The following CERS6 variants were observed in gnomAD, a reference collection of about 807,000 sequenced individuals.
CERS6 encodes ceramide synthase 6.
In CERS6, 26 loss-of-function variants were observed where a neutral mutation model predicts 56.8. The ratio of observed to expected loss-of-function variants is 0.46; its 90% CI spans 0.34 to 0.63. CERS6 has a LOEUF of 0.63. Among genes scored for constraint, CERS6 ranks in the 30% least tolerant of loss-of-function variants. The pLI is 0.01. For synonymous variants in CERS6, 164 were observed against 173.3 expected (o/e 0.95, Z 0.42); for missense variants, 415 against 467.5 (o/e 0.89, Z 1.04).
At chr2:168,752,760 A>G (rs1021072994) in intron 8 of CERS6, among the ~76,000 whole-genome samples, 3 of 152,260 alleles carry the variant, frequency 2.0e-5, no homozygotes, top group African/African-American at 7.2e-5. Context: ...GTTTGATCTC[A>G]TAAATATAGC....
At chr2:168,459,292 G>T (rs1693734797) in intron 1 of CERS6, among the ~76,000 whole-genome samples, 1 of 152,228 alleles carries the variant, frequency 6.6e-6, no homozygotes, top group African/African-American at 2.4e-5. Context: ...TCAGTCTTAG[G>T]TATTTCTCTC....
At chr2:168,580,948 T>C (rs980231839) in intron 3 of CERS6, among the ~76,000 whole-genome samples, 5 of 152,162 alleles carry the variant, frequency 3.3e-5, no homozygotes, top group Non-Finnish European at 7.3e-5. Flanking sequence ...CTTTCTGTAT[T>C]GCAATTAAAA....
At chr2:168,727,319 G>A (rs1683380276) in intron 8 of CERS6, among the ~76,000 whole-genome samples, 1 of 152,096 alleles carries the variant, frequency 6.6e-6, no homozygotes, top group South Asian at 2.1e-4. Flanking sequence ...GGAGGCCTGA[G>A]GTGGGCAGAT....
chr2:168,552,298 G>C (rs1231386653), intron 2 of CERS6, among the ~76,000 whole-genome samples: 1 of 149,288 alleles, frequency 6.7e-6, no homozygotes, highest in Non-Finnish European at 1.5e-5. Flanking sequence ...AAAACTTACG[G>C]AGAATAATAA....
At chr2:168,617,225 G>A (rs191652135) in intron 3 of CERS6, among the ~76,000 whole-genome samples, 1 of 152,216 alleles carries the variant, frequency 6.6e-6, no homozygotes. Context: ...CTGGGATACA[G>A]CAAAGGTGGT....
At chr2:168,745,212 C>A (rs1183510004) in intron 8 of CERS6, among the ~76,000 whole-genome samples, 1 of 151,688 alleles carries the variant, frequency 6.6e-6, no homozygotes, top group Non-Finnish European at 1.5e-5. Context: ...TATGTACATG[C>A]TCCAAAATCT....
intron 1 of CERS6, among the ~76,000 whole-genome samples, chr2:168,530,240 A>G (rs1324571801): frequency 1.3e-5 from 2 of 152,340 alleles, no homozygotes; most frequent in South Asian, 2.1e-4. Context: ...TCAGTGAGGT[A>G]CAGTGGCATG....
chr2:168,619,994 T>C (rs1684422161), intron 3 of CERS6, among the ~76,000 whole-genome samples: 1 of 139,596 alleles, frequency 7.2e-6, no homozygotes, highest in African/African-American at 2.6e-5. Context: ...GATGGGCATT[T>C]GGGCTGGTTC....
intron 3 of CERS6, chr2:168,606,240 A>G (rs1684050403): frequency 6.6e-6 from 1 of 152,210 alleles, no homozygotes; most frequent in African/African-American, 2.4e-5. Flanking sequence ...TTAAGATTTA[A>G]TGACTGCCCT....
chr2:168,747,551 C>T (rs529445597), intron 8 of CERS6, among the ~76,000 whole-genome samples: 3 of 152,182 alleles, frequency 2.0e-5, no homozygotes, highest in East Asian at 1.9e-4. Context: ...TTAAGATATT[C>T]TGGATATATA....
chr2:168,504,401 T>C (rs964836397), intron 1 of CERS6, among the ~76,000 whole-genome samples: 14 of 151,804 alleles, frequency 9.2e-5, no homozygotes, highest in African/African-American at 3.4e-4. Flanking sequence ...CATCAATGCA[T>C]TGTAACAGGG....
chr2:168,714,106 C>T (rs1326887316), intron 6 of CERS6, among the ~76,000 whole-genome samples: 3 of 152,170 alleles, frequency 2.0e-5, no homozygotes, highest in Non-Finnish European at 4.4e-5. Context: ...GTGCTTCTAG[C>T]TGTGTCTTCG....
chr2:168,664,448 C>G (rs1217484943), intron 4 of CERS6, among the ~76,000 whole-genome samples: 1 of 152,152 alleles, frequency 6.6e-6, no homozygotes, highest in Admixed American at 6.5e-5. Flanking sequence ...AGAAAGAATT[C>G]AGGGTGAGTC....
intron 1 of CERS6, among the ~76,000 whole-genome samples, chr2:168,537,225 A>G (rs1311468324): frequency 1.3e-5 from 2 of 152,236 alleles, no homozygotes; most frequent in Admixed American, 6.5e-5. Context: ...GCTGATACAT[A>G]ATAGATGCTC....
chr2:168,506,110 G>A (rs1295913330), intron 1 of CERS6, among the ~76,000 whole-genome samples: 2 of 152,176 alleles, frequency 1.3e-5, no homozygotes, highest in African/African-American at 2.4e-5. Flanking sequence ...AATTCATGCG[G>A]CCTTCTAGAG....
At chr2:168,745,842 C>T (rs1684083015) in intron 8 of CERS6, among the ~76,000 whole-genome samples, 1 of 152,210 alleles carries the variant, frequency 6.6e-6, no homozygotes, top group African/African-American at 2.4e-5. Context: ...CTCTCTTTCT[C>T]TTCCTACCTT....
chr2:168,641,702 T>C (rs4294968), intron 4 of CERS6, among the ~76,000 whole-genome samples: 107,748 of 152,076 alleles, frequency 0.71, 39,161 homozygotes, highest in Middle Eastern at 0.87. Flanking sequence ...GTTCAATAAA[T>C]AGGAATTATC....
At chr2:168,497,494 G>A (rs1250234358) in intron 1 of CERS6, among the ~76,000 whole-genome samples, 2 of 152,204 alleles carry the variant, frequency 1.3e-5, no homozygotes, top group Non-Finnish European at 2.9e-5. Context: ...GAGCTTGCAT[G>A]TAGGTGGTCA....
intron 4 of CERS6, among the ~76,000 whole-genome samples, chr2:168,669,515 A>G (rs1229218716): frequency 6.6e-6 from 1 of 152,206 alleles, no homozygotes; most frequent in Non-Finnish European, 1.5e-5. Flanking sequence ...ATGTTGGTGT[A>G]GGCAATTAGA....
Sources: gnomAD v4.1 joint callset for allele counts (sites outside exome capture counted in the v4.1 genomes callset) on GRCh38, gnomAD v4.1.1 for gene constraint, MANE v1.5 for transcripts, NCBI Gene and HGNC (gene_info 2026-07-23, HGNC 2026-07-21) for gene names.